Variants in MRPS31 observed in about 807,000 individuals in gnomAD.
MRPS31 encodes small ribosomal subunit protein mS31.
Under a neutral mutation model 43.1 loss-of-function variants are expected in MRPS31, and 32 were observed. The observed-to-expected ratio is 0.74, with a 90% CI of 0.56 to 1.00. The LOEUF (loss-of-function observed/expected upper bound fraction) is 1.00. MRPS31 is among the 50% of genes least tolerant of loss of function. The pLI is 0.00. For synonymous variants in MRPS31, 165 were observed against 161.6 expected, an observed-to-expected ratio of 1.02 and a Z score of -0.16; for missense variants, 437 against 466.7, an observed-to-expected ratio of 0.94 and a Z score of 0.59.
intron 6 of MRPS31, among the ~76,000 whole-genome samples, chr13:40,729,922 G>A (rs1879629701): frequency 6.6e-6 from 1 of 151,764 alleles, no homozygotes; most frequent in Non-Finnish European, 1.5e-5. Flanking sequence ...TAGAGACAGG[G>A]TTTCGCCATG....
intron 2 of MRPS31, among the ~76,000 whole-genome samples, 183 bp from the exon 3 acceptor site, chr13:40,759,289 T>A (rs1488599051): frequency 6.6e-6 from 1 of 151,566 alleles, no homozygotes. Context: ...ATACAAAAAT[T>A]AGTTGGGCGT....
chr13:40,768,452 G>T (rs1001185383), intron 1 of MRPS31, among the ~76,000 whole-genome samples: 26 of 136,818 alleles, frequency 1.9e-4, no homozygotes, highest in African/African-American at 5.7e-4. Flanking sequence ...TTTTTTTTTT[G>T]AGACAGGGCC....
At chr13:40,769,353 C>G (rs188419159) in intron 1 of MRPS31, among the ~76,000 whole-genome samples, 2 of 113,900 alleles carry the variant, frequency 1.8e-5, no homozygotes, top group East Asian at 4.8e-4. Context: ...CCAGCCTAAG[C>G]GACAGAGCAA....
rs1880439964 is a variant in MRPS31 at position 40,753,218 on chromosome 13, A to T, written c.814+801T>A. On this transcript the variant is annotated intron_variant, in intron 5 of 6. Coordinates refer to ENST00000323563, the MANE Select transcript of MRPS31 (RefSeq NM_005830.4). ...AAAACACTACAAGTCTGTTAAATAT[A>T]TTCCTTGAATGTTCTTCCCATCTCC... Among the ~76,000 whole-genome samples the T allele has an allele frequency of 3.3e-5, 5 of 152,342 alleles. No homozygotes were observed. In the South Asian group the frequency reaches 1.0e-3, roughly 32 times the overall value.
At chr13:40,749,059 A>C in intron 6 of MRPS31, 79 bp downstream of exon 6, 1 of 1,412,690 alleles carries the variant, frequency 7.1e-7, no homozygotes, top group Non-Finnish European at 9.5e-7. Flanking sequence ...TCATGTAAGT[A>C]TCTATACTCT....
chr13:40,732,390 A>G (rs1315562480), intron 6 of MRPS31, among the ~76,000 whole-genome samples: 1 of 152,246 alleles, frequency 6.6e-6, no homozygotes, highest in Non-Finnish European at 1.5e-5. Flanking sequence ...GCAGGAACTG[A>G]TACCTATCTC....
At chr13:40,758,357 C>T (rs1880594163) in intron 3 of MRPS31, among the ~76,000 whole-genome samples, 1 of 152,274 alleles carries the variant, frequency 6.6e-6, no homozygotes, top group East Asian at 1.9e-4. Context: ...GCACACATGG[C>T]CATTTCTTTT....
intron 3 of MRPS31, among the ~76,000 whole-genome samples, chr13:40,758,711 C>A (rs1174289459): frequency 6.6e-6 from 1 of 152,060 alleles, no homozygotes; most frequent in Non-Finnish European, 1.5e-5. Flanking sequence ...TTTATTTTTT[C>A]ATGGACAAGA....
Position 40,750,713 on chromosome 13 carries a change from T to C in MRPS31, c.815-1432A>G, listed in dbSNP as rs1283683056. Reference sequence around the variant, plus strand: ...CGTATAGTTTGGTAATCTACTTTTTTCACTGAATGCTTGCATTAGTATCCC... The same window carrying C: ...CGTATAGTTTGGTAATCTACTTTTTCCACTGAATGCTTGCATTAGTATCCC... On this transcript the variant is annotated intron_variant, in intron 5 of 6. Transcript: ENST00000323563. 2.7e-5 allele frequency among the ~76,000 whole-genome samples: 4 copies of C among 147,146 alleles called. 1 individual carries two copies. Among genetic ancestry groups the C allele is most frequent in the Admixed American group, 2.1e-4 (3 of 14,556 alleles).
At chr13:40,735,144 A>C (rs931974914) in intron 6 of MRPS31, among the ~76,000 whole-genome samples, 5 of 152,096 alleles carry the variant, frequency 3.3e-5, no homozygotes, top group African/African-American at 1.2e-4. Context: ...TCAGGGAGTT[A>C]CCTTTCCTAA....
At position 40,749,778 on chromosome 13, in the gene MRPS31, C is replaced by A. The variant is rs764525760; in HGVS notation, c.815-497G>T. 4.6e-5 allele frequency among the ~76,000 whole-genome samples: 7 copies of A among 152,160 alleles called. No individual in the cohort carries two copies. The East Asian group carries it at 9.6e-4, about 21-fold the overall frequency. On this transcript the variant is annotated intron_variant, in intron 5 of 6. Coordinates refer to ENST00000323563, the MANE Select transcript of MRPS31 (RefSeq NM_005830.4). ...TATGCATTAGTGCATGTAATCCTCA[C>A]AACAAACCCTATGAGTAACGTATTA... is the stretch of plus-strand genomic sequence containing the variant.
chr13:40,762,782 TTGTGTGTGTGTGTGTGTGTGTGTGTGTG>T (rs60906711), intron 2 of MRPS31, among the ~76,000 whole-genome samples: 28 of 129,990 alleles, frequency 2.2e-4, no homozygotes, highest in Middle Eastern at 7.7e-3. Flanking sequence ...AGTATAGACA[TTGTGTGTGTGTGTGTGTGTGTGTGTGTG>T]TGTGTGTGTG....
intron 2 of MRPS31, among the ~76,000 whole-genome samples, chr13:40,760,656 A>G (rs1250022714): frequency 6.8e-6 from 1 of 146,510 alleles, no homozygotes; most frequent in Non-Finnish European, 1.5e-5. Context: ...TTTAAGAGAC[A>G]GGGGTCTCAA....
intron 3 of MRPS31, 70 bp downstream of exon 3, chr13:40,758,878 T>G (rs939196526): frequency 2.6e-5 from 35 of 1,370,514 alleles, no homozygotes; most frequent in Middle Eastern, 3.8e-4. Context: ...TGTGTATTAC[T>G]CACTAGCCAT....
intron 6 of MRPS31, 43 bp downstream of exon 6, chr13:40,749,095 T>C (rs759500950): frequency 2.3e-5 from 36 of 1,548,626 alleles, no homozygotes; most frequent in Non-Finnish European, 2.7e-5. Context: ...GCAGAAATAA[T>C]CTCAATCAAT....
intron 6 of MRPS31, among the ~76,000 whole-genome samples, chr13:40,738,330 T>C (rs369925704): frequency 6.6e-6 from 1 of 152,118 alleles, no homozygotes; most frequent in African/African-American, 2.4e-5. Context: ...CAGGACCAGA[T>C]GGATTCACAG....
intron 2 of MRPS31, among the ~76,000 whole-genome samples, chr13:40,760,090 T>A (rs1330841725): frequency 6.8e-6 from 1 of 147,382 alleles, no homozygotes; most frequent in South Asian, 2.1e-4. Flanking sequence ...TGAGCCAGGA[T>A]TGCGCCACTG....
intron 1 of MRPS31, among the ~76,000 whole-genome samples, chr13:40,768,973 G>A (rs966828252): frequency 6.6e-6 from 1 of 152,102 alleles, no homozygotes; most frequent in Admixed American, 6.5e-5. Flanking sequence ...ATCACATAGG[G>A]AGCTGACTTA....
At chr13:40,770,326 C>A (rs1455688588) in intron 1 of MRPS31, among the ~76,000 whole-genome samples, 1 of 152,194 alleles carries the variant, frequency 6.6e-6, no homozygotes, top group Non-Finnish European at 1.5e-5. Context: ...TAATAAAGTT[C>A]TCGGAGGATA....
Sources: allele counts gnomAD v4.1 joint callset (sites outside exome capture counted in the v4.1 genomes callset), GRCh38; gene constraint gnomAD v4.1.1; transcripts MANE v1.5; gene names NCBI Gene and HGNC (gene_info 2026-07-23, HGNC 2026-07-21).